DNAH3: variants seen among roughly 807,000 people sequenced by gnomAD.
The protein encoded by DNAH3 is axonemal beta dynein heavy chain 3.
DNAH3 carries 332 observed loss-of-function variants against 432.5 expected under a neutral mutation model. That is an observed-to-expected ratio of 0.77 (90% CI 0.70 to 0.84). DNAH3 has a LOEUF of 0.84. Ranked by LOEUF, DNAH3 falls within the 40% of genes least tolerant of loss-of-function variation. The pLI, the probability that DNAH3 is intolerant of heterozygous loss-of-function variation, is 0.00. For synonymous variants in DNAH3, 1,956 were observed against 1,900.2 expected (o/e 1.03, Z -0.76); for missense variants, 4,861 against 5,114.0 (o/e 0.95, Z 1.51).
chr16:21,109,403 C>T (rs963650167), intron 14 of DNAH3, among the ~76,000 whole-genome samples: 8 of 152,182 alleles, frequency 5.3e-5, no homozygotes, highest in African/African-American at 1.9e-4. Context: ...CTATTCTGTG[C>T]AGGGTACTTA....
At chr16:21,121,956 C>T in exon 10 of DNAH3, 1 of 1,611,744 alleles carries the variant, frequency 6.2e-7, no homozygotes. Context: ...TTGGGGATCC[C>T]ATTAGAGTTC....
In DNAH3 at chr16:21,147,110, T is replaced by C. The variant is rs187238654; in HGVS notation, c.118-1022A>G. 3.9e-5 allele frequency among the ~76,000 whole-genome samples: 6 copies of C among 152,190 alleles called. No individual in the cohort carries two copies. The East Asian group carries it at 1.2e-3, about 29-fold the overall frequency. ...TGTCTCCTCCTCGGATTCCCTTCTA[T>C]GAGCAAATTTGAATATTTTTCCCCC... On this transcript the variant is annotated intron_variant, in intron 1 of 61. Coordinates refer to ENST00000261383, the Ensembl canonical transcript of DNAH3.
intron 40 of DNAH3, among the ~76,000 whole-genome samples, chr16:21,020,393 A>T (rs1388205368): frequency 2.1e-4 from 6 of 28,070 alleles, no homozygotes; most frequent in African/African-American, 4.7e-4. Context: ...ATATATATAT[A>T]TATATTTTTT....
chr16:21,109,829 C>T (rs542100252), intron 14 of DNAH3, among the ~76,000 whole-genome samples: 5 of 151,856 alleles, frequency 3.3e-5, no homozygotes, highest in African/African-American at 1.2e-4. Context: ...GCCTCGACTT[C>T]TGGGGCTCAA....
chr16:21,024,721 A>C lies in DNAH3; in HGVS notation c.5541-20T>G. The C allele has an allele frequency of 1.3e-6, 2 of 1,577,728 alleles. No individual in the cohort carries two copies. The highest frequency in any genetic ancestry group is 1.7e-6 in the Non-Finnish European group (2 of 1,147,118). ...CCACACCTGGGAAGCACAGAGGACC[A>C]GTTTAGGTGCTCGCTTCTTTGTTAC... On this transcript the variant is annotated intron_variant, in intron 38 of 61. Coordinates refer to ENST00000261383, the Ensembl canonical transcript of DNAH3.
At chr16:20,941,174 C>T (rs866060178) in intron 59 of DNAH3, among the ~76,000 whole-genome samples, 10 of 152,252 alleles carry the variant, frequency 6.6e-5, no homozygotes, top group Middle Eastern at 3.4e-3. Flanking sequence ...TTTAGCCTAA[C>T]TTTATAGATG....
At chr16:21,147,555 A>G (rs2092801388) in intron 1 of DNAH3, among the ~76,000 whole-genome samples, 1 of 152,198 alleles carries the variant, frequency 6.6e-6, no homozygotes, top group South Asian at 2.1e-4. Context: ...CCAAAGAGAA[A>G]TTCACTCAGG....
At chr16:20,982,976 T>A in intron 48 of DNAH3, 90 bp from the exon 49 acceptor site, 2 of 1,464,364 alleles carry the variant, frequency 1.4e-6, no homozygotes, top group Non-Finnish European at 1.9e-6. Flanking sequence ...TCTGGTGGGG[T>A]AAGTGGGGGC....
intron 12 of DNAH3, among the ~76,000 whole-genome samples, chr16:21,116,616 T>C (rs1282626123): frequency 1.3e-5 from 2 of 152,170 alleles, no homozygotes; most frequent in Non-Finnish European, 2.9e-5. Context: ...GAACGGACTA[T>C]ACATAGTGAC....
At chr16:20,989,187 G>T (rs915135762) in intron 44 of DNAH3, among the ~76,000 whole-genome samples, 1 of 152,182 alleles carries the variant, frequency 6.6e-6, no homozygotes, top group Admixed American at 6.5e-5. Flanking sequence ...TGGTAGAGCC[G>T]AGTGGTCTGT....
intron 18 of DNAH3, among the ~76,000 whole-genome samples, chr16:21,091,286 G>A (rs1051039120): frequency 4.0e-5 from 6 of 151,774 alleles, no homozygotes; most frequent in Non-Finnish European, 7.4e-5. Context: ...ATCTTTCTAT[G>A]ATGTATACAT....
At chr16:20,957,424 C>T (rs2084610967) in intron 54 of DNAH3, among the ~76,000 whole-genome samples, 1 of 152,138 alleles carries the variant, frequency 6.6e-6, no homozygotes, top group African/African-American at 2.4e-5. Flanking sequence ...TTCTTCCCCA[C>T]ACTGTTTAGT....
At chr16:21,141,362 G>A in exon 4 of DNAH3, 1 of 1,588,420 alleles carries the variant, frequency 6.3e-7, no homozygotes, top group Non-Finnish European at 8.6e-7. Flanking sequence ...GCTCTGATGA[G>A]CTTCTATTTC....
intron 56 of DNAH3, among the ~76,000 whole-genome samples, chr16:20,950,457 TGCCAAATA>T (rs1236604320): frequency 1.3e-5 from 2 of 152,170 alleles, no homozygotes; most frequent in Non-Finnish European, 2.9e-5. Context: ...CTCCAGACAT[TGCCAAATA>T]GCCACTGGGG....
At chr16:20,946,093 G>A (rs1430211566) in intron 57 of DNAH3, among the ~76,000 whole-genome samples, 1 of 152,198 alleles carries the variant, frequency 6.6e-6, no homozygotes, top group Admixed American at 6.6e-5. Context: ...TTCAGGCCAT[G>A]ACGGGAAGTG....
At chr16:21,008,147 T>C (rs557197905) in intron 41 of DNAH3, among the ~76,000 whole-genome samples, 2 of 152,294 alleles carry the variant, frequency 1.3e-5, no homozygotes, top group East Asian at 3.9e-4. Flanking sequence ...TCAACAGAAA[T>C]ATTTTCTGGC....
exon 53 of DNAH3, chr16:20,963,586 T>C: frequency 6.2e-7 from 1 of 1,614,042 alleles, no homozygotes; most frequent in Middle Eastern, 1.6e-4. Context: ...CATCAGGCCA[T>C]GCAGTTTGGG....
intron 41 of DNAH3, among the ~76,000 whole-genome samples, chr16:21,009,168 A>G (rs2087462539): frequency 6.6e-6 from 1 of 152,268 alleles, no homozygotes; most frequent in African/African-American, 2.4e-5. Flanking sequence ...GAAATAACTT[A>G]CATATCCTAC....
At chr16:20,963,735 T>A in exon 53 of DNAH3, 1 of 1,613,988 alleles carries the variant, frequency 6.2e-7, no homozygotes, top group Non-Finnish European at 8.5e-7. Flanking sequence ...CCTTCTTCTG[T>A]TTCATGATGC....
Sources: allele counts gnomAD v4.1 joint callset (sites outside exome capture counted in the v4.1 genomes callset), GRCh38; gene constraint gnomAD v4.1.1; transcripts MANE v1.5; gene names NCBI Gene and HGNC (gene_info 2026-07-23, HGNC 2026-07-21).